The following GDAP2 variants were observed in gnomAD, a reference collection of about 807,000 sequenced individuals.
GDAP2 encodes ganglioside-induced differentiation-associated protein 2.
A neutral mutation model predicts 67.0 loss-of-function variants in GDAP2; 51 were observed. The ratio of observed to expected loss-of-function variants is 0.76; its 90% CI spans 0.61 to 0.96. The LOEUF (loss-of-function observed/expected upper bound fraction) is 0.96. Ranked by LOEUF, GDAP2 falls within the 40% of genes least tolerant of loss-of-function variation. GDAP2 has a pLI of 0.00. For synonymous variants in GDAP2, 203 were observed against 207.3 expected (o/e 0.98, Z 0.18); for missense variants, 547 against 588.3 (o/e 0.93, Z 0.73).
intron 11 of GDAP2, chr1:117,882,987 C>T (rs1385924769): frequency 1.3e-5 from 2 of 152,184 alleles, no homozygotes; most frequent in East Asian, 3.8e-4. Context: ...TTAAAATTTC[C>T]ATTATCATTT....
At chr1:117,922,591 G>A (rs1032153139) in intron 1 of GDAP2, among the ~76,000 whole-genome samples, 1 of 152,144 alleles carries the variant, frequency 6.6e-6, no homozygotes, top group Non-Finnish European at 1.5e-5. Flanking sequence ...TGGGTGTCCA[G>A]GGGAGACATC....
intron 1 of GDAP2, among the ~76,000 whole-genome samples, chr1:117,929,031 T>C (rs1441389195): frequency 6.6e-6 from 1 of 151,984 alleles, no homozygotes; most frequent in East Asian, 1.9e-4. Flanking sequence ...CAACGCACCA[T>C]CCTGGGCTCA....
chr1:117,883,213 A>G (rs979917820), intron 11 of GDAP2: 7 of 226,580 alleles, frequency 3.1e-5, no homozygotes, highest in Middle Eastern at 1.6e-3. Flanking sequence ...ATGTATTTTG[A>G]TAAGTATAAT....
At position 117,870,542 on chromosome 1, in the gene GDAP2, A is replaced by AT. The variant is rs765889653; in HGVS notation, c.*26_*27insA. 4 of 1,471,444 alleles carry AT rather than the reference A, an allele frequency of 2.7e-6. No individual in the cohort carries two copies. In the Admixed American group the frequency reaches 6.7e-5, roughly 25 times the overall value. 91.1% of individuals were successfully genotyped at this position (1,471,444 alleles called of 1,614,324 possible). ...TTCGTGGAGGAAGTGGCATCCTGGG[A>AT]ACCAAGAAGCACTGAAAGATGGCAG... On this transcript the variant is annotated 3_prime_UTR_variant, in exon 14 of 14. Coordinates refer to ENST00000369443, the MANE Select transcript of GDAP2 (RefSeq NM_017686.4).
At chr1:117,928,598 G>T (rs1650548898) in intron 1 of GDAP2, among the ~76,000 whole-genome samples, 1 of 152,184 alleles carries the variant, frequency 6.6e-6, no homozygotes, top group Non-Finnish European at 1.5e-5. Flanking sequence ...GCTGTCCACA[G>T]TCTCATCATA....
chr1:117,880,984 A>T (rs1205637017), intron 12 of GDAP2, among the ~76,000 whole-genome samples: 1 of 152,180 alleles, frequency 6.6e-6, no homozygotes, highest in Non-Finnish European at 1.5e-5. Flanking sequence ...GAGAAAAAGG[A>T]GGCAATGATA....
chr1:117,884,159 T>G (rs1648767553), intron 10 of GDAP2, among the ~76,000 whole-genome samples: 1 of 152,150 alleles, frequency 6.6e-6, no homozygotes, highest in African/African-American at 2.4e-5. Flanking sequence ...GAGAGCTAAT[T>G]TTTTTAGATC....
intron 3 of GDAP2, among the ~76,000 whole-genome samples, chr1:117,915,874 A>C (rs1216994462): frequency 6.6e-6 from 1 of 152,180 alleles, no homozygotes; most frequent in Non-Finnish European, 1.5e-5. Context: ...GGATTCTAGG[A>C]ACACACCATG....
At chr1:117,873,171 C>T (rs1439963193) in intron 13 of GDAP2, among the ~76,000 whole-genome samples, 1 of 152,120 alleles carries the variant, frequency 6.6e-6, no homozygotes, top group Non-Finnish European at 1.5e-5. Flanking sequence ...TTTTCTATTT[C>T]TGGAAACAAT....
chr1:117,923,735 T>C (rs1650340477), intron 1 of GDAP2, among the ~76,000 whole-genome samples: 1 of 152,354 alleles, frequency 6.6e-6, no homozygotes, highest in Non-Finnish European at 1.5e-5. Flanking sequence ...ATGTGATCTG[T>C]CATGATCTCA....
intron 12 of GDAP2, among the ~76,000 whole-genome samples, chr1:117,880,629 C>A (rs895892167): frequency 6.6e-6 from 1 of 152,150 alleles, no homozygotes. Flanking sequence ...AAGAGAGCTT[C>A]TTTAAGGAAA....
chr1:117,863,500 T>C lies in GDAP2; in HGVS notation c.*7069A>G, dbSNP rs2101108152. On this transcript the variant is annotated 3_prime_UTR_variant, in exon 14 of 14. Transcript: ENST00000369443. ...TTGAGCCCAATGGTCTGAATATTCC[T>C]TTACTGTAGCACAATCTGGCATGAC... is the stretch of plus-strand genomic sequence containing the variant. 1 of 152,326 alleles carries C rather than the reference T, an allele frequency of 6.6e-6. No individual in the cohort carries two copies. The highest frequency in any genetic ancestry group is 1.5e-5 in the Non-Finnish European group (1 of 68,022). 9.4% of individuals were successfully genotyped at this position (152,326 alleles called of 1,614,324 possible).
chr1:117,918,899 A>G (rs192152867), intron 2 of GDAP2, among the ~76,000 whole-genome samples, 163 bp from the exon 3 acceptor site: 1 of 152,306 alleles, frequency 6.6e-6, no homozygotes, highest in Non-Finnish European at 1.5e-5. Context: ...TTAAAAAACA[A>G]TCTGGCATCT....
intron 1 of GDAP2, among the ~76,000 whole-genome samples, chr1:117,928,562 T>C (rs1244247460): frequency 6.6e-6 from 1 of 152,238 alleles, no homozygotes; most frequent in African/African-American, 2.4e-5. Context: ...ACAGCAATCT[T>C]GTTTCAAAAC....
At chr1:117,906,690 C>A in intron 5 of GDAP2, 108 bp from the exon 6 acceptor site, 1 of 647,260 alleles carries the variant, frequency 1.5e-6, no homozygotes, top group South Asian at 1.9e-5. Flanking sequence ...CTTCTCACTT[C>A]ATTCAGCACT....
chr1:117,876,685 A>C (rs995420206), intron 13 of GDAP2, among the ~76,000 whole-genome samples: 3 of 152,204 alleles, frequency 2.0e-5, no homozygotes, highest in African/African-American at 7.2e-5. Flanking sequence ...ACAACCAAAC[A>C]AAACAAAAAA....
Position 117,867,527 on chromosome 1 carries a change from GA to G in GDAP2, c.*3041del, listed in dbSNP as rs745964438. The G allele has an allele frequency of 0.14, 10,976 of 80,000 alleles. 470 individuals are homozygous for G. The highest frequency in any genetic ancestry group is 0.18 in the Middle Eastern group (22 of 120). The allele number at this position is 80,000 out of a possible 1,614,324, so 5.0% of individuals were successfully genotyped here. On this transcript the variant is annotated 3_prime_UTR_variant, in exon 14 of 14. Transcript: ENST00000369443. ...AACATGGTGAAACCCTGTCTCTACT[GA>G]AAAAAAAAAAAAAAAAAAAAAAAAT...
chr1:117,871,048 A>T (rs1648241305), intron 13 of GDAP2, among the ~76,000 whole-genome samples: 1 of 152,204 alleles, frequency 6.6e-6, no homozygotes, highest in South Asian at 2.1e-4. Flanking sequence ...TCTAACATCC[A>T]GATTCTTTTT....
chr1:117,900,381 C>G (rs1335039420), intron 6 of GDAP2, among the ~76,000 whole-genome samples: 1 of 152,142 alleles, frequency 6.6e-6, no homozygotes, highest in East Asian at 1.9e-4. Context: ...TAAAACCCAT[C>G]AGAAATCATT....
Sources: allele counts gnomAD v4.1 joint callset (sites outside exome capture counted in the v4.1 genomes callset), GRCh38; gene constraint gnomAD v4.1.1; transcripts MANE v1.5; gene names NCBI Gene and HGNC (gene_info 2026-07-23, HGNC 2026-07-21).